DDX56: variants seen among roughly 807,000 people sequenced by gnomAD.
The protein encoded by DDX56 is DEAD-box helicase 56, also known as probable ATP-dependent RNA helicase DDX56.
A neutral mutation model predicts 61.5 loss-of-function variants in DDX56; 45 were observed. That is an observed-to-expected ratio of 0.73 (90% confidence interval 0.58 to 0.94). The LOEUF (loss-of-function observed/expected upper bound fraction) is 0.94, where lower values mean the gene tolerates loss of function less well. DDX56 is among the 40% of genes least tolerant of loss of function. The pLI is 0.00. For missense variants in DDX56, 708 were observed against 690.7 expected (o/e 1.02, Z -0.28); for synonymous variants, 273 against 268.3 (o/e 1.02, Z -0.17).
At chr7:44,569,421 A>G (rs1802618680) in intron 9 of DDX56, among the ~76,000 whole-genome samples, 2 of 152,076 alleles carry the variant, frequency 1.3e-5, no homozygotes, top group South Asian at 4.1e-4. Flanking sequence ...CCCCAAGCCC[A>G]AGAACCCGTC....
Position 44,570,840 on chromosome 7 carries a change from C to A in DDX56, c.928G>T (p.Asp310Tyr). 6.2e-7 allele frequency: 1 copy of A among 1,613,940 alleles called. No individual in the cohort carries two copies. The highest frequency in any genetic ancestry group is 1.1e-5 in the South Asian group (1 of 91,070). The change falls in exon 7 of 14, where the codon GAC becomes TAC. Residue 310 changes from aspartate (D) to tyrosine (Y), a missense_variant. By Grantham distance (160) the Asp-to-Tyr change is radical. Coordinates refer to ENST00000258772, the MANE Select transcript of DDX56 (RefSeq NM_019082.4). Reference protein sequence around the residue: ...IISQFNQGFYDCVIATDAEVL... With the variant: ...IISQFNQGFYYCVIATDAEVL... ...TCAGCATCAGTTGCTATGACACAGT[C>A]GTAGAAGCCTTGGTTGAACTGTGAG...
Position 44,573,883 on chromosome 7 carries a change from CAG to C in DDX56, c.11_12del (p.Ser4Ter), listed in dbSNP as rs780653918. MED[S>X]EALGFEHMGL... ...CCCATGTGTTCGAAGCCCAGTGCTT[CAG>C]AGTCCTCCATGGCGCTGCTCAGTAG... On this transcript the variant is annotated frameshift_variant, in exon 1 of 14. Coordinates refer to ENST00000258772, the MANE Select transcript of DDX56 (RefSeq NM_019082.4). LOFTEE classifies it high-confidence loss of function. The C allele has an allele frequency of 5.6e-6, 9 of 1,613,132 alleles. No homozygotes were observed. Among genetic ancestry groups the C allele is most frequent in the Non-Finnish European group, 7.6e-6 (9 of 1,180,008 alleles).
rs1377721855 is a variant in DDX56, at chr7:44,571,585, T to C, written c.797A>G (p.Asn266Ser). The C allele has an allele frequency of 6.2e-7, 1 of 1,614,154 alleles. No individual in the cohort carries two copies. ...LIRGKSLLFV[N>S]TLERSYRLRL... is the part of the protein sequence containing the mutation. ...TAGCCGGTAACTCCGTTCTAGAGTG[T>C]TGACAAAGAGCAGAGACTTGCCCCG... Residue 266 changes from asparagine (N) to serine (S), a missense_variant, in exon 6 of 14, where the codon AAC becomes AGC. Physicochemically the swap from Asn to Ser is conservative, Grantham distance 46 (BLOSUM62 1). Coordinates refer to ENST00000258772, the MANE Select transcript of DDX56 (RefSeq NM_019082.4).
chr7:44,569,894 G>C lies in DDX56; in HGVS notation c.1134C>G (p.Arg378=), dbSNP rs151083458. The change falls in exon 9 of 14, where the codon CGC becomes CGG. Residue 378 remains arginine, a synonymous_variant. Coordinates refer to ENST00000258772, the MANE Select transcript of DDX56 (RefSeq NM_019082.4). ...AYIHRAGRTA[R]ANNPGIVLTF... is the part of the protein sequence containing the mutation. ...TTAAGACTATGCCTGGGTTGTTAGC[G>C]CGTGCTGTCCTGCAAGGGAAGACAG... 9.9e-6 allele frequency: 16 copies of C among 1,611,118 alleles called. No homozygotes were observed. The highest frequency in any genetic ancestry group is 2.2e-5 in the East Asian group (1 of 44,858).
rs376573062 is a variant in DDX56 at position 44,568,881 on chromosome 7, T to C, written c.1383+22A>G. On this transcript the variant is annotated intron_variant, in intron 11 of 13. Coordinates refer to ENST00000258772, the MANE Select transcript of DDX56 (RefSeq NM_019082.4). ...GGGCAGCCGTCTAAGATCTATCCCC[T>C]TCTCACCTCCCATCCACTCACCTTA... The C allele has an allele frequency of 3.2e-5, 51 of 1,590,404 alleles. No homozygotes were observed. In the African/African-American group the frequency reaches 3.8e-4, roughly 12 times the overall value.
At position 44,569,885 on chromosome 7, in the gene DDX56, G is replaced by C; in HGVS notation, c.1143C>G (p.Asn381Lys). ...HRAGRTARAN[N>K]PGIVLTFVLP... ...GCACAAAGGTTAAGACTATGCCTGGGTTGTTAGCGCGTGCTGTCCTGCAAG... is the reference window on the plus strand; with the variant it reads ...GCACAAAGGTTAAGACTATGCCTGGCTTGTTAGCGCGTGCTGTCCTGCAAG... Residue 381 changes from asparagine to lysine, a missense_variant, in exon 9 of 14, where the codon AAC becomes AAG. Asn to Lys is a moderately conservative substitution (Grantham distance 94). Coordinates refer to ENST00000258772, the MANE Select transcript of DDX56 (RefSeq NM_019082.4). The C allele has an allele frequency of 6.2e-7, 1 of 1,611,260 alleles. No individual in the cohort carries two copies. Among genetic ancestry groups the C allele is most frequent in the Non-Finnish European group, 8.5e-7 (1 of 1,178,582 alleles).
chr7:44,566,563 A>G, intron 12 of DDX56, 39 bp from the exon 13 acceptor site: 1 of 1,474,386 alleles, frequency 6.8e-7, no homozygotes. Context: ...GCTCACCGCT[A>G]CTGCTCCCAT....
chr7:44,568,919 T>C lies in DDX56; in HGVS notation c.1367A>G (p.His456Arg), dbSNP rs1336379395. ...RLKEIKEELL[H>R]SEKLKTYFED... ...TCCACTCACCTTAAGCTTCTCAGAA[T>C]GCAGAAGCTCTTCCTTGATCTCCTT... The change falls in exon 11 of 14, where the codon CAT becomes CGT. Residue 456 changes from histidine to arginine, a missense_variant. Physicochemically the swap from His to Arg is conservative, Grantham distance 29. Coordinates refer to ENST00000258772, the MANE Select transcript of DDX56 (RefSeq NM_019082.4). 2.5e-6 allele frequency: 4 copies of C among 1,613,580 alleles called. No individual in the cohort carries two copies. Among genetic ancestry groups the C allele is most frequent in the Non-Finnish European group, 3.4e-6 (4 of 1,179,648 alleles).
intron 12 of DDX56, among the ~76,000 whole-genome samples, chr7:44,566,802 A>G (rs1461497692): frequency 6.6e-6 from 1 of 152,156 alleles, no homozygotes; most frequent in Non-Finnish European, 1.5e-5. Flanking sequence ...AGCTGAAATA[A>G]AAGTCAACAG....
Position 44,572,362 on chromosome 7 carries a change from C to T in DDX56, c.630G>A (p.Leu210=), listed in dbSNP as rs1802697702. The T allele has an allele frequency of 6.2e-7, 1 of 1,613,990 alleles. No individual in the cohort carries two copies. The highest frequency in any genetic ancestry group is 1.7e-5 in the Admixed American group (1 of 60,022). Residue 210 remains leucine (L), a synonymous_variant, in exon 5 of 14, where the codon CTG becomes CTA. Transcript: ENST00000258772. ...TGCCTCTTACCGGGTTATGTAATAT[C>T]AGCTCCTTGAGTGCTTGTACGTCCT... ...FNEDVQALKE[L]ILHNPVTLKL... is the part of the protein sequence containing the mutation.
chr7:44,572,678 C>T lies in DDX56; in HGVS notation c.450G>A (p.Gln150=). 1 of 1,614,228 alleles carries T rather than the reference C, an allele frequency of 6.2e-7. No homozygotes were observed. The highest frequency in any genetic ancestry group is 8.5e-7 in the Non-Finnish European group (1 of 1,180,044). The change falls in exon 4 of 14, where the codon CAG becomes CAA. Residue 150 remains glutamine (Q), a synonymous_variant. Transcript: ENST00000258772. ...AGTCACGAAGTTTCAGGCTGTCTTG[C>T]TGCAAGTGGCTTAATATGCGAGATG... The part of the protein sequence containing the change: ...GTPSRILSHL[Q]QDSLKLRDSL...
chr7:44,566,653 C>A (rs575450549), intron 12 of DDX56, 129 bp from the exon 13 acceptor site: 2 of 643,348 alleles, frequency 3.1e-6, no homozygotes, highest in Admixed American at 5.8e-5. Flanking sequence ...CTATTCACTA[C>A]CACATCTGCA....
At chr7:44,569,941 G>A (rs759040309) in intron 8 of DDX56, 38 bp from the exon 9 acceptor site, 16 of 1,611,056 alleles carry the variant, frequency 9.9e-6, no homozygotes, top group African/African-American at 1.3e-5. Context: ...TCTCCAACCC[G>A]CAGGCTCTGT....
In DDX56 at chr7:44,573,749, G is replaced by A; in HGVS notation, c.61-5C>T. On this transcript the variant is annotated splice_polypyrimidine_tract_variant and splice_region_variant and intron_variant, in intron 1 of 13. Transcript: ENST00000258772. ...CCAGCCCAGATCGGTGACAGCCTAG[G>A]AGACCAGGAGTGCGGTTTAAGCGGC... 6.2e-7 allele frequency: 1 copy of A among 1,613,554 alleles called. No individual in the cohort carries two copies. The highest frequency in any genetic ancestry group is 1.1e-5 in the South Asian group (1 of 91,088).
chr7:44,570,276 G>T, intron 7 of DDX56, 148 bp from the exon 8 acceptor site: 3 of 1,102,084 alleles, frequency 2.7e-6, no homozygotes, highest in Non-Finnish European at 3.8e-6. Flanking sequence ...CGTTCCAGGA[G>T]TCAGGGTTTC....
chr7:44,570,251 C>T, intron 7 of DDX56, 123 bp from the exon 8 acceptor site: 1 of 1,304,942 alleles, frequency 7.7e-7, no homozygotes, highest in Non-Finnish European at 1.1e-6. Flanking sequence ...ACAGAGGACT[C>T]TCCAACAATG....
chr7:44,573,441 A>G lies in DDX56; in HGVS notation c.222+142T>C. The G allele has an allele frequency of 2.7e-6, 3 of 1,116,492 alleles. No homozygotes were observed. In the Admixed American group the frequency reaches 6.9e-5, roughly 26 times the overall value. 69.2% of individuals were successfully genotyped at this position (1,116,492 alleles called of 1,614,324 possible). A position where few individuals can be genotyped will look rare whatever the true frequency, so the allele number is the denominator to read the frequency against. On this transcript the variant is annotated intron_variant, in intron 2 of 13. Transcript: ENST00000258772. ...CCAGGTAACCTGAACTCCAGCCCAG[A>G]GTGTTTGCCACAACAGCACCAGGTT...
At chr7:44,573,546 T>C in intron 2 of DDX56, 37 bp downstream of exon 2, 1 of 1,603,148 alleles carries the variant, frequency 6.2e-7, no homozygotes, top group Non-Finnish European at 8.5e-7. Context: ...CTTTTGGAGC[T>C]TGCCTCCTTC....
Position 44,571,647 on chromosome 7 carries a change from G to A in DDX56, c.735C>T (p.Phe245=), listed in dbSNP as rs141491106. Residue 245 remains phenylalanine (F), a synonymous_variant, in exon 6 of 14, where the codon TTC becomes TTT. Transcript: ENST00000258772. The part of the protein sequence containing the change: ...QVVCETEEDK[F]LLLYALLKLS... ...GCTTGAGCAGGGCATACAGCAGGAG[G>A]AATTTGTCTTCCTCAGTCTCACAGA... 1.1e-4 allele frequency: 183 copies of A among 1,614,054 alleles called. No homozygotes were observed. The highest frequency in any genetic ancestry group is 1.5e-4 in the Non-Finnish European group (175 of 1,180,044).
Sources: gnomAD v4.1 joint callset for allele counts (sites outside exome capture counted in the v4.1 genomes callset) on GRCh38, gnomAD v4.1.1 for gene constraint, MANE v1.5 for transcripts, NCBI Gene and HGNC (gene_info 2026-07-23, HGNC 2026-07-21) for gene names.